The following MYO16 variants were observed in gnomAD, a reference collection of about 807,000 sequenced individuals.
MYO16 encodes unconventional myosin-XVI.
Under a neutral mutation model 205.3 loss-of-function variants are expected in MYO16, and 94 were observed. That is an observed-to-expected ratio of 0.46 (90% CI 0.39 to 0.54). The LOEUF (loss-of-function observed/expected upper bound fraction) is 0.54, where lower values mean the gene tolerates loss of function less well. MYO16 is among the 20% of genes least tolerant of loss of function. The probability of loss-of-function intolerance (pLI) is 0.00; values close to 1 mark genes in which losing one functional copy is unlikely to be tolerated. For synonymous variants in MYO16, 988 were observed against 954.0 expected (o/e 1.04, Z -0.66); for missense variants, 2,315 against 2,387.5 (o/e 0.97, Z 0.63).
At chr13:109,133,186 G>T (rs1184487973) in intron 31 of MYO16, among the ~76,000 whole-genome samples, 1 of 152,188 alleles carries the variant, frequency 6.6e-6, no homozygotes, top group Non-Finnish European at 1.5e-5. Context: ...ATCCACTCAT[G>T]TACGCAGCCT....
At chr13:108,710,728 T>C (rs1883686864) in intron 2 of MYO16, among the ~76,000 whole-genome samples, 1 of 152,200 alleles carries the variant, frequency 6.6e-6, no homozygotes, top group African/African-American at 2.4e-5. Flanking sequence ...CTGATTTCTA[T>C]TATGTATAAT....
At chr13:108,939,932 T>C (rs1013001259) in intron 16 of MYO16, among the ~76,000 whole-genome samples, 2 of 152,156 alleles carry the variant, frequency 1.3e-5, no homozygotes, top group African/African-American at 4.8e-5. Flanking sequence ...GATATCTAAG[T>C]AGAGGAGAAT....
At chr13:109,072,574 AACACACACACAC>A (rs66755145) in intron 27 of MYO16, among the ~76,000 whole-genome samples, 7 of 149,212 alleles carry the variant, frequency 4.7e-5, no homozygotes, top group African/African-American at 1.2e-4. Context: ...TGTGGCATTA[AACACACACACAC>A]ACACACACAC....
intron 1 of MYO16, among the ~76,000 whole-genome samples, chr13:108,622,318 C>A (rs1279528184): frequency 6.6e-6 from 1 of 152,136 alleles, no homozygotes; most frequent in East Asian, 1.9e-4. Context: ...TACAGAAGAA[C>A]CCTGGGCGCT....
intron 16 of MYO16, among the ~76,000 whole-genome samples, chr13:108,923,658 C>T (rs938504587): frequency 5.3e-5 from 8 of 152,318 alleles, no homozygotes; most frequent in Admixed American, 3.3e-4. Flanking sequence ...TGTTTGGGTC[C>T]GGAGCCCTCA....
chr13:108,808,469 G>A lies in MYO16; in HGVS notation c.867+1665G>A, dbSNP rs550949220. 2.0e-3 allele frequency among the ~76,000 whole-genome samples: 301 copies of A among 151,778 alleles called. 1 individual carries two copies. Among genetic ancestry groups the A allele is most frequent in the South Asian group, 4.4e-3 (21 of 4,814 alleles). ...TGGGACTACAGGCGCTCACCACCACGCCTGGCTAATTTTTTCTATTTTTAG... is the reference window on the plus strand; with the variant it reads ...TGGGACTACAGGCGCTCACCACCACACCTGGCTAATTTTTTCTATTTTTAG... On this transcript the variant is annotated intron_variant, in intron 7 of 34. Coordinates refer to ENST00000457511, the MANE Select transcript of MYO16 (RefSeq NM_001198950.3).
At chr13:108,810,506 G>A (rs145630869) in intron 7 of MYO16, among the ~76,000 whole-genome samples, 4 of 152,080 alleles carry the variant, frequency 2.6e-5, no homozygotes, top group African/African-American at 9.7e-5. Context: ...TCAGTAAATT[G>A]CATCTCAATT....
intron 3 of MYO16, among the ~76,000 whole-genome samples, chr13:108,724,559 A>G (rs1414615138): frequency 6.7e-6 from 1 of 149,966 alleles, no homozygotes; most frequent in African/African-American, 2.5e-5. Context: ...TACTTGTGTC[A>G]TTTGTTTTTC....
intron 16 of MYO16, among the ~76,000 whole-genome samples, chr13:108,911,064 C>CAG (rs370120215): frequency 9.6e-5 from 13 of 135,628 alleles, no homozygotes; most frequent in Middle Eastern, 4.0e-3. Context: ...CACACACACA[C>CAG]ACAGAGAGAG....
chr13:108,528,153 G>A, the MYO16 span, among the ~76,000 whole-genome samples: 1 of 152,192 alleles, frequency 6.6e-6, no homozygotes, highest in Non-Finnish European at 1.5e-5. Context: ...GAAGCTTTAA[G>A]CAATTAAGTG....
At chr13:108,900,427 CA>C (rs2139209937) in intron 15 of MYO16, among the ~76,000 whole-genome samples, 1 of 152,256 alleles carries the variant, frequency 6.6e-6, no homozygotes, top group South Asian at 2.1e-4. Context: ...TGCAGGAAGT[CA>C]GGGACCCCGA....
intron 2 of MYO16, among the ~76,000 whole-genome samples, chr13:108,688,211 C>T (rs12584571): frequency 0.41 from 62,579 of 151,612 alleles, 12,840 homozygotes; most frequent in Middle Eastern, 0.49. Context: ...TAATTTTTTT[C>T]CCCATGTAAA....
intron 21 of MYO16, among the ~76,000 whole-genome samples, chr13:109,008,258 G>T (rs866430772): frequency 3.3e-5 from 5 of 152,202 alleles, no homozygotes; most frequent in African/African-American, 9.6e-5. Flanking sequence ...CTGAAACTGT[G>T]TCATTGAACA....
intron 6 of MYO16, among the ~76,000 whole-genome samples, chr13:108,799,884 G>C (rs1233894059): frequency 6.6e-6 from 1 of 152,154 alleles, no homozygotes; most frequent in Non-Finnish European, 1.5e-5. Flanking sequence ...GAAGGGAGGA[G>C]GGAGCAGATA....
Position 109,022,714 on chromosome 13 carries a change from C to T in MYO16, c.2796+2803C>T, listed in dbSNP as rs185780957. On this transcript the variant is annotated intron_variant, in intron 23 of 34. Coordinates refer to ENST00000457511, the MANE Select transcript of MYO16 (RefSeq NM_001198950.3). ...TGTATATATTTATATATTATATATA[C>T]GCATATAAACATATGTATATATTAT... Among the ~76,000 whole-genome samples the T allele has an allele frequency of 2.8e-3, 246 of 89,114 alleles. 31 individuals are homozygous for T. The highest frequency in any genetic ancestry group is 8.2e-3 in the African/African-American group (216 of 26,284). The allele number at this position is 89,114 out of a possible 152,430, so 58.5% of individuals were successfully genotyped here. A position where few individuals can be genotyped will look rare whatever the true frequency, so the allele number is the denominator to read the frequency against.
intron 7 of MYO16, among the ~76,000 whole-genome samples, chr13:108,819,070 T>C (rs575917955): frequency 6.6e-6 from 1 of 152,320 alleles, no homozygotes; most frequent in South Asian, 2.1e-4. Context: ...GTCACTTTGA[T>C]GCTGTCCAAA....
At position 109,140,800 on chromosome 13, in the gene MYO16, G is replaced by A. The variant is rs1261639503; in HGVS notation, c.4588G>A (p.Glu1530Lys). Residue 1530 changes from glutamate (E) to lysine (K), a missense_variant, in exon 32 of 35, where the codon GAG (glutamate) becomes AAG (lysine). This residue lies in a region of MYO16 where 1,097 missense variants were observed against 1,092.0 expected (regional missense o/e 1.00). Transcript: ENST00000457511. This position sits in a 1 kb window ranked among gnomAD's most constrained non-coding sequence, Gnocchi z 8.0. ...TPVTCSPASD[E>K]SPLTPLEVKK... is the part of the protein sequence containing the mutation. Reference sequence around the variant, plus strand: ...CGTCACCTGCTCCCCCGCCTCCGACGAGTCGCCCCTGACACCCCTGGAGGT... The same window carrying A: ...CGTCACCTGCTCCCCCGCCTCCGACAAGTCGCCCCTGACACCCCTGGAGGT... 1 of 1,565,276 alleles carries A rather than the reference G, an allele frequency of 6.4e-7. No individual in the cohort carries two copies. The highest frequency in any genetic ancestry group is 8.6e-7 in the Non-Finnish European group (1 of 1,160,016).
At chr13:108,949,786 G>C (rs1166367263) in intron 16 of MYO16, among the ~76,000 whole-genome samples, 1 of 152,144 alleles carries the variant, frequency 6.6e-6, no homozygotes, top group Non-Finnish European at 1.5e-5. Flanking sequence ...CATGCAGCTA[G>C]AGTAATCCAG....
At chr13:109,176,585 A>AAAAAAAAAAAAAAAAAAG (rs1879195085) in intron 33 of MYO16, among the ~76,000 whole-genome samples, 1 of 145,782 alleles carries the variant, frequency 6.9e-6, no homozygotes, top group Non-Finnish European at 1.5e-5. Context: ...GGTAAAAAAA[A>AAAAAAAAAAAAAAAAAAG]AAAAAAAAAA....
Sources: gnomAD v4.1 joint callset for allele counts (sites outside exome capture counted in the v4.1 genomes callset) on GRCh38, gnomAD v4.1.1 for gene constraint, gnomAD v4.1.1 regional missense constraint, Gnocchi (gnomAD v3.1) non-coding constraint, MANE v1.5 for transcripts, NCBI Gene and HGNC (gene_info 2026-07-23, HGNC 2026-07-21) for gene names.